Variants in TRMT1L observed in about 807,000 individuals in gnomAD.
TRMT1L encodes the protein tRNA (guanine(27)-N(2))-dimethyltransferase.
A neutral mutation model predicts 81.6 loss-of-function variants in TRMT1L; 28 were observed. That is an observed-to-expected ratio of 0.34 (90% CI 0.25 to 0.47). The LOEUF is 0.47. TRMT1L is among the 20% of genes least tolerant of loss of function. The pLI is 1.00. For synonymous variants in TRMT1L, 301 were observed against 303.2 expected, an observed-to-expected ratio of 0.99 and a Z score of 0.07; for missense variants, 739 against 877.1, an observed-to-expected ratio of 0.84 and a Z score of 1.99.
intron 1 of TRMT1L, among the ~76,000 whole-genome samples, chr1:185,154,381 A>C (rs1653438950): frequency 6.6e-6 from 1 of 152,188 alleles, no homozygotes; most frequent in Admixed American, 6.5e-5. Context: ...AGCAACAAAC[A>C]ATATTGGTTA....
chr1:185,145,582 T>A lies in TRMT1L; in HGVS notation c.526-14A>T. ...TTTACTGGTTATCTATCAAACAGAG[T>A]ATTTAATTTAAATAAGTTGCTAAGA... On this transcript the variant is annotated splice_polypyrimidine_tract_variant and intron_variant, in intron 4 of 14. Transcript: ENST00000367506. 1 of 1,606,950 alleles carries A rather than the reference T, an allele frequency of 6.2e-7. No individual in the cohort carries two copies. The highest frequency in any genetic ancestry group is 8.5e-7 in the Non-Finnish European group (1 of 1,175,530).
chr1:185,131,346 A>G (rs1652765848), intron 10 of TRMT1L, among the ~76,000 whole-genome samples: 1 of 152,194 alleles, frequency 6.6e-6, no homozygotes, highest in African/African-American at 2.4e-5. Flanking sequence ...ACAACCGAAG[A>G]CCACAAAACA....
intron 10 of TRMT1L, among the ~76,000 whole-genome samples, chr1:185,131,365 C>G (rs1389118421): frequency 6.6e-6 from 1 of 152,020 alleles, no homozygotes; most frequent in Admixed American, 6.6e-5. Context: ...CATTTGAGAA[C>G]TACCATGACA....
At position 185,150,553 on chromosome 1, in the gene TRMT1L, A is replaced by C; in HGVS notation, c.347-61T>G. On this transcript the variant is annotated intron_variant, in intron 2 of 14. Transcript: ENST00000367506. ...ATTCTAGTTATTAATGCCTGGATTC[A>C]ACTACAAAGAGGTTAATGGGGGCTC... 3.3e-6 allele frequency: 4 copies of C among 1,216,778 alleles called. 1 individual carries two copies. The South Asian group carries it at 5.1e-5, about 16-fold the overall frequency. The allele number at this position is 1,216,778 out of a possible 1,614,324, so 75.4% of individuals were successfully genotyped here. A position where few individuals can be genotyped will look rare whatever the true frequency, so the allele number is the denominator to read the frequency against.
At chr1:185,134,122 G>GT (rs1032794713) in intron 10 of TRMT1L, among the ~76,000 whole-genome samples, 2 of 152,110 alleles carry the variant, frequency 1.3e-5, no homozygotes, top group Admixed American at 6.6e-5. Flanking sequence ...CATTTTAACT[G>GT]TTTAGGGAGT....
intron 4 of TRMT1L, among the ~76,000 whole-genome samples, chr1:185,146,087 A>G (rs770304676): frequency 3.9e-5 from 6 of 152,064 alleles, no homozygotes; most frequent in Non-Finnish European, 7.4e-5. Context: ...ACAGATGTAA[A>G]TAACTGTAAG....
chr1:185,141,093 T>C (rs1308091257), intron 7 of TRMT1L, among the ~76,000 whole-genome samples: 2 of 152,048 alleles, frequency 1.3e-5, no homozygotes, highest in South Asian at 4.1e-4. Flanking sequence ...ATAAGGGACA[T>C]TCATTACAAA....
intron 10 of TRMT1L, among the ~76,000 whole-genome samples, chr1:185,135,914 G>T (rs924858409): frequency 2.6e-5 from 4 of 151,736 alleles, no homozygotes; most frequent in Admixed American, 1.3e-4. Flanking sequence ...ATCCAGTTTG[G>T]TTCTATATTG....
chr1:185,146,309 C>T (rs1460488207), intron 4 of TRMT1L, among the ~76,000 whole-genome samples: 1 of 152,020 alleles, frequency 6.6e-6, no homozygotes, highest in Non-Finnish European at 1.5e-5. Context: ...GCGTACTTAT[C>T]CGAGTAAAAA....
intron 1 of TRMT1L, among the ~76,000 whole-genome samples, chr1:185,155,360 T>C (rs890632365): frequency 1.3e-5 from 2 of 152,338 alleles, no homozygotes; most frequent in African/African-American, 4.8e-5. Context: ...CTACCCACTG[T>C]AGTTGAAGAA....
chr1:185,125,059 A>G lies in TRMT1L; in HGVS notation c.1644T>C (p.Ser548=). ...TGFLKRMLFE[S]LHHGLDDIQT... is the part of the protein sequence containing the mutation. ...GAATGTCATCCAAACCATGGTGAAGAGATTCAAATAGCATTCTTTTGAGGA... is the reference window on the plus strand; with the variant it reads ...GAATGTCATCCAAACCATGGTGAAGGGATTCAAATAGCATTCTTTTGAGGA... Residue 548 remains serine (S), a synonymous_variant, in exon 12 of 15, where the codon TCT becomes TCC. Coordinates refer to ENST00000367506, the MANE Select transcript of TRMT1L (RefSeq NM_030934.5). 6.2e-7 allele frequency: 1 copy of G among 1,612,618 alleles called. No individual in the cohort carries two copies. The highest frequency in any genetic ancestry group is 8.5e-7 in the Non-Finnish European group (1 of 1,179,126).
intron 10 of TRMT1L, chr1:185,137,405 A>T: frequency 1.4e-6 from 1 of 692,492 alleles, no homozygotes; most frequent in Non-Finnish European, 2.6e-6. Context: ...GAAAGCATAT[A>T]TTGTACAGCA....
chr1:185,136,386 T>C (rs150999409), intron 10 of TRMT1L, among the ~76,000 whole-genome samples: 1 of 151,946 alleles, frequency 6.6e-6, no homozygotes, highest in Middle Eastern at 3.4e-3. Context: ...CCAGCCTGGA[T>C]AGAAGACAGA....
intron 10 of TRMT1L, among the ~76,000 whole-genome samples, chr1:185,133,450 CT>C (rs1652822300): frequency 6.6e-6 from 1 of 152,106 alleles, no homozygotes; most frequent in African/African-American, 2.4e-5. Flanking sequence ...GTGTAATACC[CT>C]CCCCCTGAGT....
chr1:185,156,621 G>A lies in TRMT1L; in HGVS notation c.92C>T (p.Ser31Leu). ...QVQVPTPARDSAGVPAPAPDS... is the reference protein window; with the variant it reads ...QVQVPTPARDLAGVPAPAPDS... ...CGGGGCCGGAGCTGGGACCCCAGCC[G>A]AGTCCCGGGCCGGGGTCGGGACCTG... is the stretch of plus-strand genomic sequence containing the variant. Residue 31 changes from serine (S) to leucine (L), a missense_variant, in exon 1 of 15, where the codon TCG becomes TTG. Physicochemically the swap from Ser to Leu is moderately radical, Grantham distance 145. Around this residue, in one of 4 missense-constraint regions of TRMT1L, gnomAD observed 209 missense variants for 165.4 expected, o/e 1.26. Coordinates refer to ENST00000367506, the MANE Select transcript of TRMT1L (RefSeq NM_030934.5). 1 of 1,603,234 alleles carries A rather than the reference G, an allele frequency of 6.2e-7. No homozygotes were observed. The highest frequency in any genetic ancestry group is 2.3e-5 in the East Asian group (1 of 44,422).
intron 10 of TRMT1L, among the ~76,000 whole-genome samples, chr1:185,131,704 T>C (rs1373558059): frequency 6.6e-6 from 1 of 152,000 alleles, no homozygotes; most frequent in East Asian, 1.9e-4. Flanking sequence ...AAGTATAAAG[T>C]AGAACTAATT....
In TRMT1L at chr1:185,150,213, T is replaced by G. The variant is rs374474951; in HGVS notation, c.460+166A>C. Among the ~76,000 whole-genome samples, 22 of 152,202 alleles carry G rather than the reference T, an allele frequency of 1.4e-4. 1 individual carries two copies. The East Asian group carries it at 1.7e-3, about 12-fold the overall frequency. ...CTGTGTCATATAGATCTCTACTGCCTATAAAGCTATATGGTGTTTTATTAA... is the reference window on the plus strand; with the variant it reads ...CTGTGTCATATAGATCTCTACTGCCGATAAAGCTATATGGTGTTTTATTAA... On this transcript the variant is annotated intron_variant, in intron 3 of 14. Transcript: ENST00000367506.
At chr1:185,149,458 T>A (rs1318041028) in intron 3 of TRMT1L, among the ~76,000 whole-genome samples, 1 of 151,928 alleles carries the variant, frequency 6.6e-6, no homozygotes, top group East Asian at 1.9e-4. Context: ...ACAGGCCACC[T>A]CGCCTGGCTA....
In TRMT1L at chr1:185,119,272, C is replaced by T. The variant is rs1046229897; in HGVS notation, c.*747G>A. The T allele has an allele frequency of 4.6e-5, 7 of 152,078 alleles. No homozygotes were observed. Among genetic ancestry groups the T allele is most frequent in the African/African-American group, 1.7e-4 (7 of 41,410 alleles). The allele number at this position is 152,078 out of a possible 1,614,324, so 9.4% of individuals were successfully genotyped here. On this transcript the variant is annotated 3_prime_UTR_variant, in exon 15 of 15. Transcript: ENST00000367506. The stretch of plus-strand genomic sequence containing the variant: ...GCATTAACTGAGGCACTTAAGATCA[C>T]CCAACCTTTTTAATTTATAACCAAA...
Sources: allele counts gnomAD v4.1 joint callset (sites outside exome capture counted in the v4.1 genomes callset), GRCh38; gene constraint gnomAD v4.1.1; regional missense constraint gnomAD v4.1.1; transcripts MANE v1.5; gene names NCBI Gene and HGNC (gene_info 2026-07-23, HGNC 2026-07-21).